PPP2R2C: variants seen among roughly 807,000 people sequenced by gnomAD.
PPP2R2C encodes the protein protein phosphatase 2, regulatory subunit B, gamma.
PPP2R2C carries 10 observed loss-of-function variants against 45.3 expected under a neutral mutation model. The ratio of observed to expected loss-of-function variants is 0.22; its 90% confidence interval spans 0.14 to 0.37. The LOEUF is 0.37. Ranked by LOEUF, PPP2R2C falls within the 10% of genes least tolerant of loss-of-function variation. The pLI is 1.00. For missense variants in PPP2R2C, 308 were observed against 619.7 expected (o/e 0.50, Z 5.34); for synonymous variants, 257 against 245.4 (o/e 1.05, Z -0.44).
rs200270153 is a variant in PPP2R2C at position 6,381,257 on chromosome 4, G to A, written c.71-163C>T. 724 of 1,533,746 alleles carry A rather than the reference G, an allele frequency of 4.7e-4. 6 individuals carry two copies. In the East Asian group the frequency reaches 0.017, roughly 36 times the overall value. ...GAGGGGTCAGGAGCATCGGCGAGGG[G>A]CCACCAACCTGTCCCCTCCTGCCCT... On this transcript the variant is annotated intron_variant, in intron 1 of 8. Transcript: ENST00000382599.
At chr4:6,457,526 C>T (rs185196335) in intron 1 of PPP2R2C, among the ~76,000 whole-genome samples, 4 of 151,846 alleles carry the variant, frequency 2.6e-5, no homozygotes, top group Non-Finnish European at 5.9e-5. Context: ...TACATGCCAC[C>T]ATCCTTGGCT....
intron 1 of PPP2R2C, among the ~76,000 whole-genome samples, chr4:6,561,259 C>A (rs1725570873): frequency 3.9e-5 from 6 of 152,206 alleles, no homozygotes; most frequent in Admixed American, 2.0e-4. Flanking sequence ...AGGCGTCTTG[C>A]AAGAGTCTGC....
intron 1 of PPP2R2C, among the ~76,000 whole-genome samples, chr4:6,542,602 C>G (rs1001851572): frequency 6.7e-6 from 1 of 150,254 alleles, no homozygotes; most frequent in Non-Finnish European, 1.5e-5. Flanking sequence ...ACTAGGGAGG[C>G]TGAGGCAGGG....
chr4:6,434,968 C>A (rs1202039103), intron 1 of PPP2R2C, among the ~76,000 whole-genome samples: 2 of 152,164 alleles, frequency 1.3e-5, no homozygotes, highest in African/African-American at 4.8e-5. Context: ...TAGTACTTCT[C>A]TATGTCTTTC....
chr4:6,508,324 C>T (rs986457852), intron 2 of PPP2R2C, among the ~76,000 whole-genome samples: 13 of 152,162 alleles, frequency 8.5e-5, no homozygotes, highest in African/African-American at 1.4e-4. Flanking sequence ...CGGTGGCTCA[C>T]GCCTGTAATC....
At chr4:6,448,601 T>G (rs1720560877) in intron 1 of PPP2R2C, among the ~76,000 whole-genome samples, 1 of 151,772 alleles carries the variant, frequency 6.6e-6, no homozygotes, top group Non-Finnish European at 1.5e-5. Context: ...TCAGGGCTGT[T>G]TCCTCACTCC....
intron 1 of PPP2R2C, among the ~76,000 whole-genome samples, chr4:6,537,978 G>A (rs926993578): frequency 2.0e-5 from 3 of 152,144 alleles, no homozygotes; most frequent in Admixed American, 6.5e-5. Flanking sequence ...CCAGGGCTGG[G>A]GTTATGGAGA....
chr4:6,483,280 A>C (rs1480528260), intron 2 of PPP2R2C, among the ~76,000 whole-genome samples: 3 of 152,204 alleles, frequency 2.0e-5, no homozygotes, highest in African/African-American at 7.2e-5. Context: ...TTGTACTAAC[A>C]TCATAAATTG....
intron 1 of PPP2R2C, among the ~76,000 whole-genome samples, chr4:6,425,357 C>T (rs1719228422): frequency 6.6e-6 from 1 of 152,226 alleles, no homozygotes; most frequent in Non-Finnish European, 1.5e-5. Context: ...GTCCTGGGCA[C>T]CTGCACAGTC....
intron 1 of PPP2R2C, among the ~76,000 whole-genome samples, chr4:6,459,793 A>G (rs955815863): frequency 1.3e-5 from 2 of 151,654 alleles, no homozygotes; most frequent in Middle Eastern, 3.4e-3. Context: ...TCACACACAC[A>G]CAAAAAAACA....
At position 6,451,153 on chromosome 4, in the gene PPP2R2C, T is replaced by A. The variant is rs1044557903; in HGVS notation, c.70+21007A>T. Reference sequence around the variant, plus strand: ...GGTACCATCACTGACCACATGTCCATCTCATCTGCTCTGCGGGCTCCTCAG... The same window carrying A: ...GGTACCATCACTGACCACATGTCCAACTCATCTGCTCTGCGGGCTCCTCAG... On this transcript the variant is annotated intron_variant, in intron 1 of 8. Transcript: ENST00000382599. Among the ~76,000 whole-genome samples the A allele has an allele frequency of 2.6e-5, 4 of 152,166 alleles. 1 individual carries two copies. The highest frequency in any genetic ancestry group is 9.7e-5 in the African/African-American group (4 of 41,436).
chr4:6,538,681 G>A (rs1004042031), intron 1 of PPP2R2C, among the ~76,000 whole-genome samples: 10 of 152,222 alleles, frequency 6.6e-5, no homozygotes, highest in Admixed American at 1.3e-4. Context: ...GGCTTGGAGC[G>A]GTTGCACCAC....
At chr4:6,454,658 G>A (rs978230057) in intron 1 of PPP2R2C, among the ~76,000 whole-genome samples, 1 of 152,222 alleles carries the variant, frequency 6.6e-6, no homozygotes, top group Non-Finnish European at 1.5e-5. Flanking sequence ...ACAGAATCCA[G>A]GAGACAGAAT....
At position 6,501,493 on chromosome 4, in the gene PPP2R2C, C is replaced by T. The variant is rs1406768672; in HGVS notation, c.49+33778G>A. ...ATGGGTCAGCTGGGGGACCATGCCC[C>T]TTCGGAAATCCCCCAGGGAGGAGAA... On this transcript the variant is annotated intron_variant, in intron 2 of 9. Transcript: ENST00000506140. Among the ~76,000 whole-genome samples, 10 of 152,184 alleles carry T rather than the reference C, an allele frequency of 6.6e-5. No homozygotes were observed. The East Asian group carries it at 1.5e-3, about 23-fold the overall frequency.
intron 8 of PPP2R2C, among the ~76,000 whole-genome samples, chr4:6,325,768 T>G (rs912282727): frequency 6.6e-6 from 1 of 152,180 alleles, no homozygotes; most frequent in East Asian, 1.9e-4. Context: ...GAAGGTTCCC[T>G]TAACAGGGAA....
In PPP2R2C at chr4:6,529,945, C is replaced by T. The variant is rs187402535; in HGVS notation, c.49+5326G>A. ...AGGAGAGGCTAGAGCGCACGAGTGA[C>T]GGAGCCCACTATTCCCACTGTGAGG... is the stretch of plus-strand genomic sequence containing the variant. On this transcript the variant is annotated intron_variant, in intron 2 of 9. Transcript: ENST00000506140. 7.5e-3 allele frequency among the ~76,000 whole-genome samples: 1,148 copies of T among 152,226 alleles called. 8 individuals are homozygous for T. The highest frequency in any genetic ancestry group is 0.012 in the East Asian group (62 of 5,160).
intron 8 of PPP2R2C, among the ~76,000 whole-genome samples, chr4:6,327,230 A>G (rs1427331923): frequency 6.6e-6 from 1 of 152,216 alleles, no homozygotes; most frequent in Non-Finnish European, 1.5e-5. Context: ...GAGGCAAACA[A>G]GGACAGAGGT....
chr4:6,466,952 A>T (rs997027772), intron 1 of PPP2R2C, among the ~76,000 whole-genome samples: 3 of 152,216 alleles, frequency 2.0e-5, no homozygotes, highest in Non-Finnish European at 4.4e-5. Context: ...AATTGACAGC[A>T]GTCGCCTTTT....
At chr4:6,550,527 T>G (rs1214724284) in intron 1 of PPP2R2C, among the ~76,000 whole-genome samples, 1 of 152,230 alleles carries the variant, frequency 6.6e-6, no homozygotes, top group East Asian at 1.9e-4. Flanking sequence ...TTCTTCTAGC[T>G]TAATATCTTC....
Sources: allele counts gnomAD v4.1 joint callset (sites outside exome capture counted in the v4.1 genomes callset), GRCh38; gene constraint gnomAD v4.1.1; transcripts MANE v1.5; gene names NCBI Gene and HGNC (gene_info 2026-07-23, HGNC 2026-07-21).